SPECC1L: variants seen among roughly 807,000 people sequenced by gnomAD.
SPECC1L encodes the protein cytospin-A.
A neutral mutation model predicts 116.8 loss-of-function variants in SPECC1L; 40 were observed. The ratio of observed to expected loss-of-function variants is 0.34; its 90% CI spans 0.27 to 0.45. The LOEUF (loss-of-function observed/expected upper bound fraction) is 0.45. SPECC1L is among the 20% of genes least tolerant of loss of function. The probability of loss-of-function intolerance (pLI) is 1.00; values close to 1 mark genes in which losing one functional copy is unlikely to be tolerated. For synonymous variants in SPECC1L, 504 were observed against 500.6 expected (o/e 1.01, Z -0.09); for missense variants, 1,110 against 1,373.6 (o/e 0.81, Z 3.03).
At chr22:24,386,866 A>G (rs768715953) in intron 14 of SPECC1L, among the ~76,000 whole-genome samples, 8 of 152,166 alleles carry the variant, frequency 5.3e-5, no homozygotes, top group Non-Finnish European at 1.2e-4. Flanking sequence ...GGCCTCCTAA[A>G]GTGCTGGGAT....
chr22:24,339,796 A>G (rs1488126715), intron 10 of SPECC1L, among the ~76,000 whole-genome samples: 3 of 150,564 alleles, frequency 2.0e-5, no homozygotes, highest in Admixed American at 1.3e-4. Context: ...TTTTTTTTTT[A>G]CCCCGAAACG....
chr22:24,271,251 C>G (rs914572426), intron 1 of SPECC1L, among the ~76,000 whole-genome samples: 2 of 152,248 alleles, frequency 1.3e-5, no homozygotes, highest in East Asian at 1.9e-4. Context: ...TGTTGGGGTT[C>G]AGCTGGTTCT....
Position 24,327,300 on chromosome 22 carries a change from A to C in SPECC1L, c.2147-1546A>C, listed in dbSNP as rs925572789. Among the ~76,000 whole-genome samples the C allele has an allele frequency of 8.5e-4, 128 of 150,666 alleles. 1 individual carries two copies. Among genetic ancestry groups the C allele is most frequent in the African/African-American group, 2.7e-3 (112 of 40,828 alleles). ...CTCAAAAAAAAAAAAAAAAAAAAAAAAACATCAGAACACACATATACCAAC... is the reference window on the plus strand; with the variant it reads ...CTCAAAAAAAAAAAAAAAAAAAAAACAACATCAGAACACACATATACCAAC... On this transcript the variant is annotated intron_variant, in intron 6 of 16. Coordinates refer to ENST00000314328, the MANE Select transcript of SPECC1L (RefSeq NM_015330.6).
Position 24,321,707 on chromosome 22 carries a change from T to G in SPECC1L, c.727T>G (p.Leu243Val). Reference sequence around the variant, plus strand: ...CCAGCCGACTGATGTGGAGTCCACTTTATTGCAGTTGCAGGAACAGAATAC... The same window carrying G: ...CCAGCCGACTGATGTGGAGTCCACTGTATTGCAGTTGCAGGAACAGAATAC... ...AHQPTDVEST[L>V]LQLQEQNTAI... is the part of the protein sequence containing the mutation. The change falls in exon 5 of 17, where the codon TTA (leucine) becomes GTA (valine). Residue 243 changes from leucine (L) to valine (V), a missense_variant. Physicochemically the swap from Leu to Val is conservative, Grantham distance 32 (BLOSUM62 1). Around this residue, in one of 4 missense-constraint regions of SPECC1L, gnomAD observed 437 missense variants for 482.6 expected, o/e 0.91. Coordinates refer to ENST00000314328, the MANE Select transcript of SPECC1L (RefSeq NM_015330.6). 6.2e-7 allele frequency: 1 copy of G among 1,614,244 alleles called. No individual in the cohort carries two copies. Among genetic ancestry groups the G allele is most frequent in the South Asian group, 1.1e-5 (1 of 91,086 alleles).
At chr22:24,357,475 T>G (rs2041555024) in intron 11 of SPECC1L, among the ~76,000 whole-genome samples, 1 of 152,222 alleles carries the variant, frequency 6.6e-6, no homozygotes, top group Non-Finnish European at 1.5e-5. Context: ...CCATTTGGTT[T>G]TATTGATTAC....
At chr22:24,396,210 G>T (rs1011364471) in intron 14 of SPECC1L, among the ~76,000 whole-genome samples, 16 of 152,100 alleles carry the variant, frequency 1.1e-4, no homozygotes, top group African/African-American at 3.9e-4. Flanking sequence ...GACACTTGTT[G>T]TGCACAACCA....
At chr22:24,312,349 A>G (rs1162637153) in intron 3 of SPECC1L, among the ~76,000 whole-genome samples, 1 of 152,216 alleles carries the variant, frequency 6.6e-6, no homozygotes, top group Non-Finnish European at 1.5e-5. Flanking sequence ...ATATGGACTC[A>G]CTGACATTTA....
chr22:24,301,186 C>A (rs2146400974), intron 2 of SPECC1L, among the ~76,000 whole-genome samples: 1 of 152,296 alleles, frequency 6.6e-6, no homozygotes, highest in East Asian at 1.9e-4. Context: ...AGGCAACCTA[C>A]AGAATGGGAG....
At chr22:24,336,457 G>A (rs2041059653) in intron 9 of SPECC1L, among the ~76,000 whole-genome samples, 1 of 152,002 alleles carries the variant, frequency 6.6e-6, no homozygotes, top group East Asian at 1.9e-4. Context: ...AAATATATAT[G>A]CTTTGAGCTG....
intron 14 of SPECC1L, among the ~76,000 whole-genome samples, chr22:24,407,234 T>G (rs1187150546): frequency 1.3e-5 from 2 of 152,212 alleles, no homozygotes. Context: ...GGTACTCAAA[T>G]GTGAACTTCC....
chr22:24,322,114 G>C lies in SPECC1L; in HGVS notation c.1134G>C (p.Glu378Asp), dbSNP rs1350995454. 1 of 1,614,062 alleles carries C rather than the reference G, an allele frequency of 6.2e-7. No individual in the cohort carries two copies. Residue 378 changes from glutamate (E) to aspartate (D), a missense_variant, in exon 5 of 17, where the codon GAG becomes GAC. Physicochemically the swap from Glu to Asp is conservative, Grantham distance 45. This residue lies in a region of SPECC1L where 437 missense variants were observed against 482.6 expected (regional missense o/e 0.91). Transcript: ENST00000314328. Reference protein sequence around the residue: ...SSESEGIPSIERSRKGSSGNA... With the variant: ...SSESEGIPSIDRSRKGSSGNA... ...AGTCGGAAGGCATCCCCAGCATAGA[G>C]CGCTCCCGGAAGGGGAGCAGCGGGA...
chr22:24,313,199 G>A (rs2040494823), intron 3 of SPECC1L, 114 bp from the exon 4 acceptor site: 1 of 1,068,304 alleles, frequency 9.4e-7, no homozygotes, highest in Non-Finnish European at 1.4e-6. Context: ...CTGTCAGATA[G>A]TTTTGGTAAT....
At chr22:24,329,117 A>T (rs556997905) in intron 7 of SPECC1L, among the ~76,000 whole-genome samples, 198 bp downstream of exon 7, 1 of 152,362 alleles carries the variant, frequency 6.6e-6, no homozygotes, top group African/African-American at 2.4e-5. Context: ...AATGTACTAT[A>T]GGTTGAGTAC....
At chr22:24,313,959 G>A (rs1439911899) in intron 4 of SPECC1L, among the ~76,000 whole-genome samples, 1 of 152,002 alleles carries the variant, frequency 6.6e-6, no homozygotes, top group Non-Finnish European at 1.5e-5. Context: ...GGCTGGTCTC[G>A]AACTCCTGAC....
chr22:24,282,642 C>G (rs2048965135), intron 2 of SPECC1L, among the ~76,000 whole-genome samples: 1 of 151,818 alleles, frequency 6.6e-6, no homozygotes, highest in Non-Finnish European at 1.5e-5. Context: ...AGTAGGTTAT[C>G]CTCTGTGTGG....
At chr22:24,272,588 G>A (rs2048750666) in intron 1 of SPECC1L, among the ~76,000 whole-genome samples, 1 of 151,636 alleles carries the variant, frequency 6.6e-6, no homozygotes, top group South Asian at 2.1e-4. Context: ...CAGGAGAATT[G>A]CTTAGGAGGC....
At chr22:24,341,191 G>A (rs2041170196) in intron 10 of SPECC1L, among the ~76,000 whole-genome samples, 1 of 152,162 alleles carries the variant, frequency 6.6e-6, no homozygotes, top group Non-Finnish European at 1.5e-5. Flanking sequence ...GGAGGAGGGA[G>A]CTGCATAGAG....
intron 14 of SPECC1L, among the ~76,000 whole-genome samples, chr22:24,382,576 G>A (rs1015272009): frequency 2.6e-5 from 4 of 151,920 alleles, no homozygotes; most frequent in Non-Finnish European, 4.4e-5. Context: ...AGTGACGGGC[G>A]ACTGTAGTTC....
chr22:24,318,625 A>G (rs2040653686), intron 4 of SPECC1L, among the ~76,000 whole-genome samples: 1 of 152,036 alleles, frequency 6.6e-6, no homozygotes. Flanking sequence ...ATGTTGGGGA[A>G]AAAAGTTACC....
Sources: gnomAD v4.1 joint callset for allele counts (sites outside exome capture counted in the v4.1 genomes callset) on GRCh38, gnomAD v4.1.1 for gene constraint, gnomAD v4.1.1 regional missense constraint, MANE v1.5 for transcripts, NCBI Gene and HGNC (gene_info 2026-07-23, HGNC 2026-07-21) for gene names.